Variants in TEX9 observed in about 807,000 individuals in gnomAD.
The protein encoded by TEX9 is testis-expressed protein 9.
A neutral mutation model predicts 59.6 loss-of-function variants in TEX9; 74 were observed. The observed-to-expected ratio is 1.24, with a 90% CI of 1.03 to 1.51. TEX9 has a LOEUF of 1.51. Ranked by LOEUF, TEX9 falls within the 40% of genes most tolerant of loss-of-function variation. The pLI is 0.00. For synonymous variants in TEX9, 186 were observed against 152.2 expected (o/e 1.22, Z -1.64); for missense variants, 522 against 447.8 (o/e 1.17, Z -1.49).
At chr15:56,443,157 C>T (rs1038087279) in intron 12 of TEX9, among the ~76,000 whole-genome samples, 15 of 152,112 alleles carry the variant, frequency 9.9e-5, no homozygotes, top group Non-Finnish European at 1.6e-4. Flanking sequence ...TATCTTTCAC[C>T]ATCCTTTTGC....
intron 1 of TEX9, among the ~76,000 whole-genome samples, chr15:56,310,523 C>T (rs1436317489): frequency 2.0e-5 from 3 of 152,202 alleles, no homozygotes; most frequent in African/African-American, 7.2e-5. Flanking sequence ...GAAGAGGGCT[C>T]AGAGGAGCCA....
At chr15:56,292,624 C>G (rs2045121978) in intron 1 of TEX9, among the ~76,000 whole-genome samples, 1 of 152,084 alleles carries the variant, frequency 6.6e-6, no homozygotes. Context: ...AGGGAGATGT[C>G]CCTATCTCTG....
chr15:56,431,335 G>A (rs2050589467), intron 12 of TEX9: 2 of 1,602,054 alleles, frequency 1.2e-6, no homozygotes. Context: ...CACTATTACA[G>A]GTCATGAAGA....
At chr15:56,301,332 A>G (rs183556771) in intron 1 of TEX9, among the ~76,000 whole-genome samples, 1 of 152,286 alleles carries the variant, frequency 6.6e-6, no homozygotes, top group Admixed American at 6.5e-5. Context: ...TGCCTACAAG[A>G]TCTAGAAAAT....
chr15:56,336,720 A>G (rs1443812111), intron 1 of TEX9, among the ~76,000 whole-genome samples: 1 of 152,188 alleles, frequency 6.6e-6, no homozygotes, highest in Non-Finnish European at 1.5e-5. Flanking sequence ...CAGTTGCAAC[A>G]ACAGCCTCAG....
At chr15:56,394,961 C>T (rs1194146344) in intron 9 of TEX9, 127 bp downstream of exon 9, 4 of 898,348 alleles carry the variant, frequency 4.5e-6, no homozygotes, top group Non-Finnish European at 6.6e-6. Flanking sequence ...AACTCTTTCC[C>T]CTTACATAGA....
intron 1 of TEX9, among the ~76,000 whole-genome samples, chr15:56,277,936 C>CAGT (rs2044714141): frequency 6.6e-6 from 1 of 151,806 alleles, no homozygotes; most frequent in Non-Finnish European, 1.5e-5. Context: ...AATTCTCCCT[C>CAGT]TTGAGGGACC....
intron 7 of TEX9, among the ~76,000 whole-genome samples, chr15:56,392,279 A>T (rs1236995009): frequency 6.6e-6 from 1 of 152,172 alleles, no homozygotes; most frequent in African/African-American, 2.4e-5. Flanking sequence ...GCTGTATAGG[A>T]AGCATAGCAG....
At chr15:56,450,310 CAGT>C (rs35134383), downstream of TEX9, among the ~76,000 whole-genome samples, 6,672 of 152,250 alleles carry the variant, frequency 0.044, 212 homozygotes, top group Admixed American at 0.086. Flanking sequence ...ATGTACAACT[CAGT>C]GGTGTTAATT....
chr15:56,374,354 A>G (rs918947649), intron 3 of TEX9: 24 of 152,122 alleles, frequency 1.6e-4, no homozygotes, highest in African/African-American at 5.6e-4. Flanking sequence ...GAAGCAAACA[A>G]TATAAGGTTT....
chr15:56,253,607 G>C (rs2044079446), intron 1 of TEX9, among the ~76,000 whole-genome samples: 1 of 152,100 alleles, frequency 6.6e-6, no homozygotes, highest in South Asian at 2.1e-4. Context: ...TTCTCTTAGT[G>C]AGTATTAAAG....
At chr15:56,427,387 G>GTTAT (rs2050348418) in intron 10 of TEX9, among the ~76,000 whole-genome samples, 2 of 152,042 alleles carry the variant, frequency 1.3e-5, no homozygotes, top group Non-Finnish European at 2.9e-5. Context: ...TTAGAACTGA[G>GTTAT]TTATTTTAAA....
intron 1 of TEX9, among the ~76,000 whole-genome samples, chr15:56,267,105 T>C (rs2044404066): frequency 6.6e-6 from 1 of 152,254 alleles, no homozygotes; most frequent in Non-Finnish European, 1.5e-5. Context: ...CATGTGTCTG[T>C]TCACTGTATA....
chr15:56,374,656 A>G (rs74472048), intron 3 of TEX9: 2 of 151,962 alleles, frequency 1.3e-5, no homozygotes, highest in East Asian at 3.9e-4. Context: ...CTGACTATAT[A>G]TTTTTTTACC....
intron 1 of TEX9, among the ~76,000 whole-genome samples, chr15:56,309,642 G>C (rs1390443715): frequency 1.5e-5 from 2 of 136,052 alleles, no homozygotes; most frequent in South Asian, 2.6e-4. Flanking sequence ...TTCTTTAAAA[G>C]TTGAGTGGAA....
chr15:56,335,046 G>A (rs150054045), intron 1 of TEX9, among the ~76,000 whole-genome samples: 2 of 152,262 alleles, frequency 1.3e-5, no homozygotes, highest in East Asian at 3.9e-4. Flanking sequence ...CTGGTACACT[G>A]TTGGTGAGAG....
intron 12 of TEX9, chr15:56,429,925 C>G (rs1261452117): frequency 3.3e-5 from 5 of 152,100 alleles, no homozygotes; most frequent in South Asian, 4.1e-4. Context: ...GACATTCCTA[C>G]AATTTATAAT....
chr15:56,273,739 T>C (rs2044604760), intron 1 of TEX9, among the ~76,000 whole-genome samples: 1 of 152,222 alleles, frequency 6.6e-6, no homozygotes, highest in Non-Finnish European at 1.5e-5. Flanking sequence ...TTTCAGCACT[T>C]TAAATATTTC....
At chr15:56,416,064 TA>T (rs1196890560) in intron 10 of TEX9, among the ~76,000 whole-genome samples, 1 of 151,842 alleles carries the variant, frequency 6.6e-6, no homozygotes, top group African/African-American at 2.4e-5. Context: ...GTAATTTTTG[TA>T]CATTGATTTT....
Sources: allele counts gnomAD v4.1 joint callset (sites outside exome capture counted in the v4.1 genomes callset), GRCh38; gene constraint gnomAD v4.1.1; transcripts MANE v1.5; gene names NCBI Gene and HGNC (gene_info 2026-07-23, HGNC 2026-07-21).